Variants in OGDH observed in about 807,000 individuals in gnomAD.
The protein encoded by OGDH is 2-oxoglutarate dehydrogenase complex component E1.
A neutral mutation model predicts 116.6 loss-of-function variants in OGDH; 38 were observed. That is an observed-to-expected ratio of 0.33 (90% CI 0.25 to 0.43). OGDH has a LOEUF of 0.43. Among genes scored for constraint, OGDH ranks in the 20% least tolerant of loss-of-function variants. OGDH has a pLI of 1.00. For missense variants in OGDH, 825 were observed against 1,357.2 expected (o/e 0.61, Z 6.16); for synonymous variants, 488 against 533.3 (o/e 0.92, Z 1.17).
rs200113572 is a variant in OGDH, at chr7:44,624,291, G to GTTTTTTTTT, written c.-27-15_-27-7dup. The GTTTTTTTTT allele has an allele frequency of 2.5e-5, 19 of 760,346 alleles. 8 individuals carry two copies. Among genetic ancestry groups the GTTTTTTTTT allele is most frequent in the Admixed American group, 5.7e-5 (2 of 35,296 alleles). The allele number at this position is 760,346 out of a possible 1,614,324, so 47.1% of individuals were successfully genotyped here. ...CTCATTTTTAAAACCTTTCTTTCTT[G>GTTTTTTTTT]TTTTTTTTTTTTTTTTTTTGTACAG... On this transcript the variant is annotated intron_variant, in intron 1 of 22. Transcript: ENST00000222673.
chr7:44,624,456 G>A lies in OGDH; in HGVS notation c.113G>A (p.Arg38Gln), dbSNP rs148704374. Reference sequence around the variant, plus strand: ...GCAGCTAGGACATTTCAACAGATTCGGTGCTATTCTGCACCTGTTGCTGCT... The same window carrying A: ...GCAGCTAGGACATTTCAACAGATTCAGTGCTATTCTGCACCTGTTGCTGCT... ...PAAARTFQQIRCYSAPVAAEP... is the reference protein window; with the variant it reads ...PAAARTFQQIQCYSAPVAAEP... The change falls in exon 2 of 23, where the codon CGG becomes CAG. Residue 38 changes from arginine (R) to glutamine (Q), a missense_variant. Arg to Gln is a conservative substitution (Grantham distance 43). Transcript: ENST00000222673. 56 of 1,613,442 alleles carry A rather than the reference G, an allele frequency of 3.5e-5. No individual in the cohort carries two copies. The African/African-American group carries it at 6.4e-4, about 19-fold the overall frequency.
In OGDH at chr7:44,618,404, CCTT is replaced by C. The variant is rs767199760; in HGVS notation, c.-27-5911_-27-5909del. On this transcript the variant is annotated intron_variant, in intron 1 of 22. Coordinates refer to ENST00000222673, the MANE Select transcript of OGDH (RefSeq NM_002541.4). ...CTATGTCCATTGAGTTACTCCTCAT[CCTT>C]CCCTCATTTCTCTGCCCCAGCCCCA... Among the ~76,000 whole-genome samples the C allele has an allele frequency of 4.7e-4, 72 of 152,294 alleles. 1 individual carries two copies. Among genetic ancestry groups the C allele is most frequent in the Non-Finnish European group, 4.3e-4 (29 of 68,032 alleles).
chr7:44,693,929 C>A lies in OGDH; in HGVS notation c.1440C>A (p.Pro480=), dbSNP rs769704074. The A allele has an allele frequency of 1.7e-5, 27 of 1,613,988 alleles. No individual in the cohort carries two copies. In the East Asian group the frequency reaches 6.0e-4, roughly 36 times the overall value. ...TTTTCCACGTGAACTCAGATGACCC[C>A]GAGGCTGTCATGTACGTGTGCAAAG... ...APIFHVNSDD[P]EAVMYVCKVA... The change falls in exon 11 of 23, where the codon CCC becomes CCA. Residue 480 remains proline, a synonymous_variant. Transcript: ENST00000222673.
intron 10 of OGDH, among the ~76,000 whole-genome samples, chr7:44,692,620 TATC>T (rs1445084502): frequency 5.3e-5 from 8 of 152,214 alleles, no homozygotes; most frequent in Non-Finnish European, 1.2e-4. Context: ...AGTGTGGTAT[TATC>T]ATGCTTTGTG....
At chr7:44,665,207 T>G (rs1028644829) in intron 4 of OGDH, among the ~76,000 whole-genome samples, 1 of 149,642 alleles carries the variant, frequency 6.7e-6, no homozygotes, top group Admixed American at 6.7e-5. Flanking sequence ...TGCTGTGCCC[T>G]CAGTGTTGAC....
Position 44,705,812 on chromosome 7 carries a change from G to A in OGDH, c.2633-1413G>A, listed in dbSNP as rs866586552. On this transcript the variant is annotated intron_variant, in intron 20 of 22. Transcript: ENST00000222673. ...GGTTTTGGTTACGTGCATATGATGCGTAGTGCTTAAGTCAGGGTATTAGGG... is the reference window on the plus strand; with the variant it reads ...GGTTTTGGTTACGTGCATATGATGCATAGTGCTTAAGTCAGGGTATTAGGG... Among the ~76,000 whole-genome samples, 12 of 152,288 alleles carry A rather than the reference G, an allele frequency of 7.9e-5. 1 individual carries two copies. The highest frequency in any genetic ancestry group is 6.8e-3 in the Middle Eastern group (2 of 294).
intron 19 of OGDH, among the ~76,000 whole-genome samples, chr7:44,701,058 G>C (rs1014970130): frequency 6.6e-6 from 1 of 152,204 alleles, no homozygotes; most frequent in Non-Finnish European, 1.5e-5. Context: ...GTGGGGGACA[G>C]CGAGGGAGTG....
At chr7:44,611,749 G>T (rs1221144755) in intron 1 of OGDH, among the ~76,000 whole-genome samples, 1 of 151,280 alleles carries the variant, frequency 6.6e-6, no homozygotes, top group East Asian at 1.9e-4. Flanking sequence ...TTAAATCTAT[G>T]ATTCATTTAG....
At chr7:44,685,306 C>T (rs1788083725) in intron 10 of OGDH, among the ~76,000 whole-genome samples, 1 of 152,144 alleles carries the variant, frequency 6.6e-6, no homozygotes, top group Non-Finnish European at 1.5e-5. Context: ...CAACTATCCA[C>T]TCTACTTTCT....
At chr7:44,675,659 C>T (rs1585342062) in intron 8 of OGDH, among the ~76,000 whole-genome samples, 4 of 152,102 alleles carry the variant, frequency 2.6e-5, no homozygotes, top group Non-Finnish European at 5.9e-5. Context: ...AGGCGGATCA[C>T]GTGAGGTCGA....
At chr7:44,682,761 G>A (rs1023256193) in intron 10 of OGDH, among the ~76,000 whole-genome samples, 1 of 152,092 alleles carries the variant, frequency 6.6e-6, no homozygotes, top group African/African-American at 2.4e-5. Flanking sequence ...TTTGAGATAG[G>A]AGGATCACTT....
intron 4 of OGDH, among the ~76,000 whole-genome samples, chr7:44,659,250 A>G (rs1032639537): frequency 6.6e-6 from 1 of 152,254 alleles, no homozygotes; most frequent in African/African-American, 2.4e-5. Context: ...GCCTTGGATT[A>G]GTGGAATAAA....
At position 44,643,349 on chromosome 7, in the gene OGDH, C is replaced by G. The variant is rs144313723; in HGVS notation, c.223-1978C>G. The stretch of plus-strand genomic sequence containing the variant: ...GGTTGTTTTCTTTAAGTTATTTTTT[C>G]TGAATACCAAAAAATACATGCTTAT... On this transcript the variant is annotated intron_variant, in intron 2 of 22. Transcript: ENST00000222673. 2.2e-4 allele frequency among the ~76,000 whole-genome samples: 33 copies of G among 151,890 alleles called. 1 individual carries two copies. The South Asian group carries it at 2.3e-3, about 10-fold the overall frequency.
intron 9 of OGDH, among the ~76,000 whole-genome samples, chr7:44,677,667 G>A (rs1787757809): frequency 1.3e-5 from 2 of 151,930 alleles, no homozygotes; most frequent in South Asian, 2.1e-4. Flanking sequence ...TCAGGAGTTC[G>A]AGACCATCCT....
At chr7:44,666,876 T>G (rs1787207976) in intron 5 of OGDH, 25 bp downstream of exon 5, 1 of 1,455,694 alleles carries the variant, frequency 6.9e-7, no homozygotes, top group Non-Finnish European at 9.6e-7. Flanking sequence ...TGGAAAAATC[T>G]AATGGACTTC....
intron 4 of OGDH, 146 bp from the exon 5 acceptor site, chr7:44,666,590 A>G (rs1787193540): frequency 5.0e-6 from 2 of 403,404 alleles, no homozygotes; most frequent in Non-Finnish European, 4.4e-6. Context: ...TACTTATTTC[A>G]CATATATCAG....
rs542670517 is a variant in OGDH, at chr7:44,611,650, A to G, written c.-28+4997A>G. ...GGTCTCAAACTCCTGGGGTCAAGCA[A>G]TCCTCCCACCTTGGCTTCCTGAAGT... is the stretch of plus-strand genomic sequence containing the variant. On this transcript the variant is annotated intron_variant, in intron 1 of 22. Coordinates refer to ENST00000222673, the MANE Select transcript of OGDH (RefSeq NM_002541.4). Among the ~76,000 whole-genome samples the G allele has an allele frequency of 1.5e-3, 225 of 151,776 alleles. 1 individual carries two copies. Among genetic ancestry groups the G allele is most frequent in the African/African-American group, 5.1e-3 (209 of 41,328 alleles).
chr7:44,700,097 C>T, intron 18 of OGDH, 44 bp from the exon 19 acceptor site: 2 of 1,607,588 alleles, frequency 1.2e-6, no homozygotes, highest in Non-Finnish European at 1.7e-6. Context: ...CCAGAAGACT[C>T]AGTGCTGTGT....
At position 44,701,569 on chromosome 7, in the gene OGDH, G is replaced by A; in HGVS notation, c.2586G>A (p.Leu862=). 3.1e-6 allele frequency: 5 copies of A among 1,614,114 alleles called. No individual in the cohort carries two copies. Among genetic ancestry groups the A allele is most frequent in the Non-Finnish European group, 4.2e-6 (5 of 1,180,022 alleles). ...KPLIIFTPKS[L]LRHPEARSSF... is the part of the protein sequence containing the mutation. Reference sequence around the variant, plus strand: ...TAATTATCTTCACCCCCAAATCCCTGTTGCGCCACCCCGAGGCCAGATCCA... The same window carrying A: ...TAATTATCTTCACCCCCAAATCCCTATTGCGCCACCCCGAGGCCAGATCCA... The change falls in exon 20 of 23, where the codon CTG becomes CTA. Residue 862 remains leucine (L), a synonymous_variant. Transcript: ENST00000222673.
Sources: gnomAD v4.1 joint callset for allele counts (sites outside exome capture counted in the v4.1 genomes callset) on GRCh38, gnomAD v4.1.1 for gene constraint, MANE v1.5 for transcripts, NCBI Gene and HGNC (gene_info 2026-07-23, HGNC 2026-07-21) for gene names.